Variants in MCC observed in about 807,000 individuals in gnomAD.
The protein encoded by MCC is MCC regulator of Wnt signaling pathway.
A neutral mutation model predicts 116.2 loss-of-function variants in MCC; 90 were observed. That is an observed-to-expected ratio of 0.77 (90% CI 0.65 to 0.92). MCC has a LOEUF of 0.92. MCC is among the 40% of genes least tolerant of loss of function. MCC has a pLI of 0.00. For synonymous variants in MCC, 578 were observed against 510.5 expected, an observed-to-expected ratio of 1.13 and a Z score of -1.78; for missense variants, 1,516 against 1,312.2, an observed-to-expected ratio of 1.16 and a Z score of -2.40.
At chr5:113,296,687 G>T (rs1386084744) in intron 3 of MCC, among the ~76,000 whole-genome samples, 4 of 152,126 alleles carry the variant, frequency 2.6e-5, no homozygotes, top group African/African-American at 9.7e-5. Context: ...TTAAAAAAAT[G>T]GGCCTTCTCA....
intron 5 of MCC, among the ~76,000 whole-genome samples, chr5:113,129,849 G>T (rs1287619710): frequency 6.6e-6 from 1 of 152,236 alleles, no homozygotes; most frequent in Non-Finnish European, 1.5e-5. Flanking sequence ...ATGCTGGAGA[G>T]GATGTGGAGA....
intron 11 of MCC, among the ~76,000 whole-genome samples, chr5:113,076,109 C>G (rs1307572021): frequency 6.6e-6 from 1 of 152,172 alleles, no homozygotes; most frequent in African/African-American, 2.4e-5. Flanking sequence ...CGGCTTCATT[C>G]TTGAAGTCAG....
chr5:113,446,824 T>C (rs1482570355), intron 1 of MCC, among the ~76,000 whole-genome samples: 1 of 152,142 alleles, frequency 6.6e-6, no homozygotes, highest in Non-Finnish European at 1.5e-5. Flanking sequence ...GGGCAAGGGT[T>C]GAAAAACTAA....
chr5:113,416,708 G>C (rs1378221607), intron 1 of MCC, among the ~76,000 whole-genome samples: 4 of 151,766 alleles, frequency 2.6e-5, no homozygotes, highest in Non-Finnish European at 2.9e-5. Flanking sequence ...TAGCATGAGA[G>C]GAGAGAAATA....
intron 2 of MCC, among the ~76,000 whole-genome samples, chr5:113,378,284 T>A (rs1047779812): frequency 6.6e-6 from 1 of 152,044 alleles, no homozygotes; most frequent in South Asian, 2.1e-4. Flanking sequence ...TAGAGAAAAC[T>A]TTTTTTTACT....
chr5:113,100,461 TC>T (rs1756327272), intron 8 of MCC, among the ~76,000 whole-genome samples: 1 of 120,062 alleles, frequency 8.3e-6, no homozygotes, highest in African/African-American at 3.2e-5. Flanking sequence ...GATGTATTTT[TC>T]CCTTTTTTTT....
intron 8 of MCC, among the ~76,000 whole-genome samples, chr5:113,086,393 T>C (rs1159606045): frequency 6.6e-6 from 1 of 152,188 alleles, no homozygotes; most frequent in Non-Finnish European, 1.5e-5. Flanking sequence ...AGTGTCTGTA[T>C]TGGGGAAAAT....
At chr5:113,035,471 G>C (rs536777713) in intron 17 of MCC, among the ~76,000 whole-genome samples, 13 of 152,186 alleles carry the variant, frequency 8.5e-5, no homozygotes, top group Non-Finnish European at 1.9e-4. Flanking sequence ...ATCTGATCAT[G>C]TTACTGTCCT....
intron 3 of MCC, among the ~76,000 whole-genome samples, chr5:113,241,357 G>A (rs11740190): frequency 0.11 from 16,444 of 152,166 alleles, 1,411 homozygotes; most frequent in Admixed American, 0.25. Flanking sequence ...TGGAAAGACA[G>A]AATAGACAGA....
intron 3 of MCC, among the ~76,000 whole-genome samples, chr5:113,199,910 G>A (rs537297630): frequency 3.9e-4 from 59 of 152,260 alleles, no homozygotes; most frequent in Middle Eastern, 3.4e-3. Flanking sequence ...GCTTCTTCCC[G>A]GTGAAGGCTA....
intron 1 of MCC, among the ~76,000 whole-genome samples, chr5:113,394,047 G>A (rs143854834): frequency 6.6e-6 from 1 of 152,246 alleles, no homozygotes; most frequent in East Asian, 1.9e-4. Context: ...TTTCTACTGG[G>A]TAGATACAAT....
chr5:113,207,829 C>T (rs1386438637), intron 3 of MCC, among the ~76,000 whole-genome samples: 7 of 152,100 alleles, frequency 4.6e-5, no homozygotes, highest in Admixed American at 1.3e-4. Flanking sequence ...ACAAGATGTC[C>T]TTTGGTAACA....
intron 2 of MCC, among the ~76,000 whole-genome samples, chr5:113,373,247 A>T (rs1303838901): frequency 1.3e-5 from 2 of 152,130 alleles, no homozygotes; most frequent in African/African-American, 4.8e-5. Context: ...GATTGAGAAG[A>T]GAGTTGTTTC....
Position 113,385,224 on chromosome 5 carries a change from G to T in MCC, c.171-12C>A. The T allele has an allele frequency of 6.2e-7, 1 of 1,611,206 alleles. No homozygotes were observed. The highest frequency in any genetic ancestry group is 8.5e-7 in the Non-Finnish European group (1 of 1,177,818). On this transcript the variant is annotated splice_polypyrimidine_tract_variant and intron_variant, in intron 1 of 18. Coordinates refer to ENST00000408903, the MANE Select transcript of MCC (RefSeq NM_001085377.2). ...TTAGCAAGTCATTTCTGCAGAAGGG[G>T]TTGAACAGAAGAAAATGTGTTATGA... is the stretch of plus-strand genomic sequence containing the variant.
At chr5:113,138,454 CAG>C (rs1353422678) in intron 5 of MCC, among the ~76,000 whole-genome samples, 3 of 152,196 alleles carry the variant, frequency 2.0e-5, no homozygotes, top group African/African-American at 7.2e-5. Context: ...GAAGATACAG[CAG>C]AGAGCTTGCT....
At chr5:113,180,806 A>AT (rs1200477347) in intron 3 of MCC, among the ~76,000 whole-genome samples, 1 of 152,176 alleles carries the variant, frequency 6.6e-6, no homozygotes, top group Non-Finnish European at 1.5e-5. Flanking sequence ...TTATTTTAAT[A>AT]TTTTTCTGAC....
At chr5:113,402,226 G>A (rs570821684) in intron 1 of MCC, among the ~76,000 whole-genome samples, 8 of 150,544 alleles carry the variant, frequency 5.3e-5, no homozygotes, top group South Asian at 2.1e-4. Context: ...CCCGGGAGGC[G>A]GAGCTTGCAG....
intron 3 of MCC, among the ~76,000 whole-genome samples, chr5:113,263,848 A>T (rs965796032): frequency 1.3e-5 from 2 of 152,116 alleles, no homozygotes; most frequent in African/African-American, 2.4e-5. Context: ...ACACTTCATC[A>T]TGGCAATAGC....
intron 2 of MCC, among the ~76,000 whole-genome samples, chr5:113,382,398 G>A (rs895633245): frequency 6.6e-6 from 1 of 151,504 alleles, no homozygotes; most frequent in African/African-American, 2.4e-5. Flanking sequence ...AGCCTCCTGA[G>A]TAGCTAGGAC....
Sources: gnomAD v4.1 joint callset for allele counts (sites outside exome capture counted in the v4.1 genomes callset) on GRCh38, gnomAD v4.1.1 for gene constraint, MANE v1.5 for transcripts, NCBI Gene and HGNC (gene_info 2026-07-23, HGNC 2026-07-21) for gene names.